The following ARNT2 variants were observed in gnomAD, a reference collection of about 807,000 sequenced individuals.
ARNT2 encodes ARNT protein 2.
Under a neutral mutation model 91.7 loss-of-function variants are expected in ARNT2, and 36 were observed. That is an observed-to-expected ratio of 0.39 (90% CI 0.30 to 0.52). The LOEUF is 0.52. Among genes scored for constraint, ARNT2 ranks in the 20% least tolerant of loss-of-function variants. The pLI is 0.72. For missense variants in ARNT2, 775 were observed against 939.3 expected, an observed-to-expected ratio of 0.83 and a Z score of 2.29; for synonymous variants, 365 against 347.1, an observed-to-expected ratio of 1.05 and a Z score of -0.57.
chr15:80,593,863 C>A lies in ARNT2; in HGVS notation c.*165C>A. The A allele has an allele frequency of 1.6e-6, 1 of 626,296 alleles. No individual in the cohort carries two copies. The highest frequency in any genetic ancestry group is 2.8e-5 in the East Asian group (1 of 35,986). The allele number at this position is 626,296 out of a possible 1,614,324, so 38.8% of individuals were successfully genotyped here. ...CAGGCGCATCATTGCTCCACTCTCC[C>A]CTGCAGCCGCGGCTGCTCGGCCACT... On this transcript the variant is annotated 3_prime_UTR_variant, in exon 19 of 19. Coordinates refer to ENST00000303329, the MANE Select transcript of ARNT2 (RefSeq NM_014862.4).
chr15:80,537,597 G>A lies in ARNT2; in HGVS notation c.878-13602G>A, dbSNP rs113989632. Among the ~76,000 whole-genome samples the A allele has an allele frequency of 1.2e-3, 183 of 152,326 alleles. 1 individual carries two copies. The highest frequency in any genetic ancestry group is 4.0e-3 in the African/African-American group (168 of 41,574). ...TGATCAATCTGTGATGCCTGCCATG[G>A]ATACAGGAGCAGGTTCTCTCAGTTC... On this transcript the variant is annotated intron_variant, in intron 8 of 18. Transcript: ENST00000303329.
At chr15:80,572,559 G>A (rs912271527) in intron 12 of ARNT2, among the ~76,000 whole-genome samples, 7 of 151,856 alleles carry the variant, frequency 4.6e-5, no homozygotes, top group Admixed American at 4.6e-4. Flanking sequence ...CCAGATGAGG[G>A]GAGGTGGCCT....
intron 1 of ARNT2, chr15:80,434,070 CAG>C (rs1185285808): frequency 1.3e-5 from 2 of 152,186 alleles, no homozygotes; most frequent in Non-Finnish European, 2.9e-5. Flanking sequence ...CACAGAAAGG[CAG>C]AGGGAAAGTT....
intron 5 of ARNT2, among the ~76,000 whole-genome samples, chr15:80,482,230 G>GTTTACC (rs1200380785): frequency 3.9e-5 from 6 of 152,114 alleles, no homozygotes; most frequent in Non-Finnish European, 4.4e-5. Flanking sequence ...TTTCTAGCAC[G>GTTTACC]TTTACCTATT....
chr15:80,577,866 T>G (rs1027740938), intron 15 of ARNT2, among the ~76,000 whole-genome samples: 4 of 152,224 alleles, frequency 2.6e-5, no homozygotes, highest in African/African-American at 7.2e-5. Context: ...TGAGTCTTGC[T>G]GAATTGCACA....
chr15:80,438,002 C>T (rs1297525327), intron 1 of ARNT2, among the ~76,000 whole-genome samples: 5 of 150,900 alleles, frequency 3.3e-5, no homozygotes, highest in East Asian at 1.9e-4. Flanking sequence ...ATTAGAGGTG[C>T]GTTGAGTTAA....
intron 1 of ARNT2, among the ~76,000 whole-genome samples, chr15:80,422,192 C>T (rs749517668): frequency 6.6e-6 from 1 of 152,000 alleles, no homozygotes; most frequent in East Asian, 1.9e-4. Flanking sequence ...TTTTCAGAAT[C>T]GATGAAAGTC....
At chr15:80,445,231 G>C (rs1452468092) in intron 1 of ARNT2, 3 of 150,914 alleles carry the variant, frequency 2.0e-5, no homozygotes, top group South Asian at 4.2e-4. Flanking sequence ...GAGTGGTGTG[G>C]AGGGGTGGGG....
At chr15:80,587,588 A>T (rs1484763702) in intron 17 of ARNT2, among the ~76,000 whole-genome samples, 1 of 152,178 alleles carries the variant, frequency 6.6e-6, no homozygotes, top group African/African-American at 2.4e-5. Context: ...TCAAATTTTT[A>T]AAAAAGGAGG....
At chr15:80,519,553 T>C (rs1897499388) in intron 8 of ARNT2, among the ~76,000 whole-genome samples, 1 of 152,194 alleles carries the variant, frequency 6.6e-6, no homozygotes. Context: ...AGTTCTGTCC[T>C]TTGTCTCACA....
At chr15:80,481,185 C>T (rs554009848) in intron 5 of ARNT2, among the ~76,000 whole-genome samples, 4 of 152,346 alleles carry the variant, frequency 2.6e-5, no homozygotes, top group Non-Finnish European at 2.9e-5. Flanking sequence ...GAGATATTTT[C>T]AGCCTTGGAT....
At chr15:80,523,246 T>C (rs761295131) in intron 8 of ARNT2, among the ~76,000 whole-genome samples, 42 of 151,952 alleles carry the variant, frequency 2.8e-4, no homozygotes, top group Non-Finnish European at 5.1e-4. Context: ...TTTCCGAGAG[T>C]GGCCCAGTTC....
In ARNT2 at chr15:80,585,749, T is replaced by G. The variant is rs138214688; in HGVS notation, c.1918+4345T>G. Among the ~76,000 whole-genome samples the G allele has an allele frequency of 8.4e-3, 1,273 of 152,140 alleles. 13 individuals are homozygous for G. Among genetic ancestry groups the G allele is most frequent in the Middle Eastern group, 0.024 (7 of 294 alleles). On this transcript the variant is annotated intron_variant, in intron 17 of 18. Transcript: ENST00000303329. ...GGGAGTGCCCGCAGGTAAAACTGAC[T>G]CACAGGAGGCAGCCTCTGGGTGGTA... is the stretch of plus-strand genomic sequence containing the variant.
chr15:80,574,844 C>T, intron 13 of ARNT2, 143 bp from the exon 14 acceptor site: 4 of 1,078,760 alleles, frequency 3.7e-6, no homozygotes, highest in South Asian at 1.8e-5. Flanking sequence ...AAAAGCTTCC[C>T]ACCCGATAAA....
chr15:80,408,203 G>C (rs1212266270), intron 1 of ARNT2, among the ~76,000 whole-genome samples: 1 of 152,198 alleles, frequency 6.6e-6, no homozygotes, highest in Non-Finnish European at 1.5e-5. Flanking sequence ...TTGTTGAACT[G>C]ATTGGATATC....
At chr15:80,572,609 A>G (rs539991085) in intron 12 of ARNT2, among the ~76,000 whole-genome samples, 4 of 152,274 alleles carry the variant, frequency 2.6e-5, no homozygotes, top group African/African-American at 9.6e-5. Flanking sequence ...CACCCAGTCC[A>G]GGACACAGCC....
chr15:80,415,499 T>C (rs1285578173), intron 1 of ARNT2, among the ~76,000 whole-genome samples: 1 of 151,860 alleles, frequency 6.6e-6, no homozygotes, highest in Non-Finnish European at 1.5e-5. Context: ...GTGTGGTGAG[T>C]GGGGGCGTGA....
At chr15:80,512,721 T>C (rs192035605) in intron 6 of ARNT2, among the ~76,000 whole-genome samples, 1 of 152,344 alleles carries the variant, frequency 6.6e-6, no homozygotes, top group East Asian at 1.9e-4. Flanking sequence ...TGATTGAAAG[T>C]GCCATAGTAT....
intron 5 of ARNT2, 146 bp from the exon 6 acceptor site, chr15:80,508,010 G>A (rs1176495150): frequency 2.9e-6 from 2 of 691,718 alleles, no homozygotes; most frequent in African/African-American, 1.8e-5. Flanking sequence ...GCCAAAGAAT[G>A]TTGGGAATTC....
Sources: gnomAD v4.1 joint callset for allele counts (sites outside exome capture counted in the v4.1 genomes callset) on GRCh38, gnomAD v4.1.1 for gene constraint, MANE v1.5 for transcripts, NCBI Gene and HGNC (gene_info 2026-07-23, HGNC 2026-07-21) for gene names.